The following UNC79 variants were observed in gnomAD, a reference collection of about 807,000 sequenced individuals.
UNC79 encodes protein unc-79 homolog.
UNC79 carries 37 observed loss-of-function variants against 283.1 expected under a neutral mutation model. The observed-to-expected ratio is 0.13, with a 90% CI of 0.10 to 0.17. UNC79 has a LOEUF of 0.17. UNC79 is among the 10% of genes least tolerant of loss of function. The pLI, the probability that UNC79 is intolerant of heterozygous loss-of-function variation, is 1.00. For synonymous variants in UNC79, 1,107 were observed against 1,200.2 expected (o/e 0.92, Z 1.61); for missense variants, 2,272 against 3,211.1 (o/e 0.71, Z 7.07).
At chr14:93,595,955 G>A (rs890082704) in intron 23 of UNC79, among the ~76,000 whole-genome samples, 2 of 152,082 alleles carry the variant, frequency 1.3e-5, no homozygotes, top group Non-Finnish European at 2.9e-5. Context: ...TTTAAAATAA[G>A]CGAATCAGTG....
chr14:93,604,777 A>T, intron 26 of UNC79, 119 bp from the exon 27 acceptor site: 1 of 1,050,456 alleles, frequency 9.5e-7, no homozygotes, highest in Non-Finnish European at 1.3e-6. Flanking sequence ...ATGTGATGTT[A>T]ATTCAAATAG....
intron 22 of UNC79, among the ~76,000 whole-genome samples, chr14:93,590,495 T>C (rs998991324): frequency 6.6e-6 from 1 of 152,168 alleles, no homozygotes; most frequent in Non-Finnish European, 1.5e-5. Flanking sequence ...AGACGCTCCA[T>C]GAATTCAACA....
chr14:93,696,613 C>A (rs919851286), intron 47 of UNC79, among the ~76,000 whole-genome samples: 57 of 152,076 alleles, frequency 3.7e-4, no homozygotes, highest in Non-Finnish European at 6.2e-4. Context: ...GTCCATATGT[C>A]TGCTTGGTGA....
chr14:93,622,853 T>G lies in UNC79; in HGVS notation c.5608+12T>G, dbSNP rs1450910469. On this transcript the variant is annotated intron_variant, in intron 30 of 48. Transcript: ENST00000555664. ...ACAGAAAGATCCAGGTAAGCTCGCCTCTCTTCTTTCTCTCAGCCTTAACTT... is the reference window on the plus strand; with the variant it reads ...ACAGAAAGATCCAGGTAAGCTCGCCGCTCTTCTTTCTCTCAGCCTTAACTT... The G allele has an allele frequency of 1.2e-6, 2 of 1,605,784 alleles. No individual in the cohort carries two copies. The highest frequency in any genetic ancestry group is 8.5e-7 in the Non-Finnish European group (1 of 1,175,368).
rs556820522 is a variant in UNC79 at position 93,573,952 on chromosome 14, C to G, written c.2071-1106C>G. 5.3e-5 allele frequency among the ~76,000 whole-genome samples: 8 copies of G among 152,304 alleles called. No individual in the cohort carries two copies. The South Asian group carries it at 1.7e-3, about 32-fold the overall frequency. ...CCCAGGAGATCGAGGCTGCAGTGAGCTATGATCAAGCCACTGCACTCTAGC... is the reference window on the plus strand; with the variant it reads ...CCCAGGAGATCGAGGCTGCAGTGAGGTATGATCAAGCCACTGCACTCTAGC... On this transcript the variant is annotated intron_variant, in intron 16 of 48. Transcript: ENST00000555664.
At chr14:93,609,437 A>G (rs1158444548) in intron 26 of UNC79, among the ~76,000 whole-genome samples, 1 of 152,214 alleles carries the variant, frequency 6.6e-6, no homozygotes, top group Non-Finnish European at 1.5e-5. Flanking sequence ...AGTTTCAATC[A>G]GTTACACAGC....
intron 1 of UNC79, among the ~76,000 whole-genome samples, chr14:93,362,440 C>T (rs1407639602): frequency 1.3e-5 from 2 of 152,106 alleles, no homozygotes; most frequent in Non-Finnish European, 2.9e-5. Context: ...CCTCCACCTC[C>T]CGGGTTCCAG....
intron 46 of UNC79, among the ~76,000 whole-genome samples, chr14:93,694,123 A>G (rs987688297): frequency 5.3e-5 from 8 of 152,326 alleles, no homozygotes; most frequent in Non-Finnish European, 1.0e-4. Context: ...TGAGGGAGGC[A>G]TGACAATTAC....
At chr14:93,582,424 T>C (rs1324586914) in intron 20 of UNC79, 80 bp downstream of exon 20, 3 of 1,561,140 alleles carry the variant, frequency 1.9e-6, no homozygotes, top group Non-Finnish European at 8.6e-7. Flanking sequence ...TGGTTTAATA[T>C]CGACTTGGGC....
intron 1 of UNC79, among the ~76,000 whole-genome samples, chr14:93,415,878 A>AT (rs1215976036): frequency 6.6e-6 from 1 of 151,858 alleles, no homozygotes; most frequent in Non-Finnish European, 1.5e-5. Context: ...CCCCTTTATC[A>AT]TTTTTTATTG....
intron 30 of UNC79, among the ~76,000 whole-genome samples, chr14:93,629,091 C>T (rs1313016138): frequency 6.6e-6 from 1 of 152,108 alleles, no homozygotes; most frequent in East Asian, 1.9e-4. Flanking sequence ...CCCAGCTACT[C>T]AGAAGACTGA....
chr14:93,599,977 A>G (rs575167532), intron 24 of UNC79, among the ~76,000 whole-genome samples: 55 of 152,110 alleles, frequency 3.6e-4, no homozygotes, highest in East Asian at 3.3e-3. Flanking sequence ...CAAGGAGGGC[A>G]GATCACGAGG....
intron 5 of UNC79, among the ~76,000 whole-genome samples, chr14:93,491,686 CAA>C (rs2058732230): frequency 6.6e-6 from 1 of 152,190 alleles, no homozygotes; most frequent in Non-Finnish European, 1.5e-5. Context: ...TAGTGACTGA[CAA>C]ATTGTAAATT....
intron 1 of UNC79, among the ~76,000 whole-genome samples, chr14:93,446,680 C>T (rs965569171): frequency 6.6e-6 from 1 of 152,160 alleles, no homozygotes; most frequent in East Asian, 1.9e-4. Context: ...AGGTGTGAGC[C>T]ACCGTGCCCA....
chr14:93,659,543 G>A (rs942205947), intron 39 of UNC79, among the ~76,000 whole-genome samples: 8 of 152,028 alleles, frequency 5.3e-5, no homozygotes, highest in South Asian at 2.1e-4. Flanking sequence ...GGATCTTATC[G>A]TGTTGGTTCT....
At chr14:93,462,319 A>G (rs2056988010) in intron 1 of UNC79, among the ~76,000 whole-genome samples, 1 of 152,094 alleles carries the variant, frequency 6.6e-6, no homozygotes, top group African/African-American at 2.4e-5. Flanking sequence ...AAACAAAACA[A>G]AACAAAACAC....
intron 1 of UNC79, among the ~76,000 whole-genome samples, chr14:93,466,179 T>A (rs1377256253): frequency 6.6e-6 from 1 of 152,246 alleles, no homozygotes; most frequent in Non-Finnish European, 1.5e-5. Flanking sequence ...TATTATTATC[T>A]GCAATCTAGA....
intron 7 of UNC79, among the ~76,000 whole-genome samples, chr14:93,509,844 TCACAGCTCCACTAGACAGTGCC>T (rs1205018764): frequency 6.6e-6 from 1 of 152,182 alleles, no homozygotes; most frequent in African/African-American, 2.4e-5. Flanking sequence ...GGACCTCTTC[TCACAGCTCCACTAGACAGTGCC>T]CCCATAGGGA....
intron 37 of UNC79, among the ~76,000 whole-genome samples, chr14:93,654,321 A>G (rs2070667258): frequency 6.6e-6 from 1 of 152,040 alleles, no homozygotes; most frequent in South Asian, 2.1e-4. Flanking sequence ...CAAGACCCCC[A>G]TCTCTACAAA....
Sources: allele counts gnomAD v4.1 joint callset (sites outside exome capture counted in the v4.1 genomes callset), GRCh38; gene constraint gnomAD v4.1.1; transcripts MANE v1.5; gene names NCBI Gene and HGNC (gene_info 2026-07-23, HGNC 2026-07-21).